The following NUP155 variants were observed in gnomAD, a reference collection of about 807,000 sequenced individuals.
NUP155 encodes nucleoporin 155, also known as nuclear pore complex protein Nup155.
Under a neutral mutation model 180.4 loss-of-function variants are expected in NUP155, and 71 were observed. The observed-to-expected ratio is 0.39, with a 90% CI of 0.33 to 0.48. The LOEUF is 0.48. Among genes scored for constraint, NUP155 ranks in the 20% least tolerant of loss-of-function variants. The probability of loss-of-function intolerance (pLI) is 0.91; values close to 1 mark genes in which losing one functional copy is unlikely to be tolerated. For synonymous variants in NUP155, 582 were observed against 559.5 expected, an observed-to-expected ratio of 1.04 and a Z score of -0.57; for missense variants, 1,553 against 1,648.9, an observed-to-expected ratio of 0.94 and a Z score of 1.01.
chr5:37,328,258 G>A (rs1042806095), intron 17 of NUP155, 100 bp downstream of exon 17: 2 of 920,714 alleles, frequency 2.2e-6, no homozygotes, highest in Admixed American at 2.4e-5. Flanking sequence ...TATTTTCAAG[G>A]GAATAAGGCA....
At chr5:37,332,138 T>A (rs1338065411) in intron 13 of NUP155, among the ~76,000 whole-genome samples, 3 of 136,922 alleles carry the variant, frequency 2.2e-5, no homozygotes, top group Non-Finnish European at 4.6e-5. Flanking sequence ...TATTAATTAA[T>A]CATGTTGCTA....
At chr5:37,321,670 T>C (rs890996735) in intron 20 of NUP155, among the ~76,000 whole-genome samples, 55 of 151,688 alleles carry the variant, frequency 3.6e-4, no homozygotes, top group African/African-American at 1.3e-3. Flanking sequence ...TGAGCTGAGA[T>C]TGCACCACTG....
rs1431283543 is a variant in NUP155 at position 37,314,245 on chromosome 5, G to C, written c.2389C>G (p.Leu797Val). The C allele has an allele frequency of 5.6e-6, 9 of 1,610,700 alleles. No individual in the cohort carries two copies. In the South Asian group the frequency reaches 9.9e-5, roughly 18 times the overall value. ...KSYQALALWK[L>V]LCEHQFTIIV... Reference sequence around the variant, plus strand: ...ATAGTGAATTGATGTTCACAAAGAAGTTTCCATAAAGCCAGAGCCTGATAT... The same window carrying C: ...ATAGTGAATTGATGTTCACAAAGAACTTTCCATAAAGCCAGAGCCTGATAT... The change falls in exon 22 of 35, where the codon CTT becomes GTT. Residue 797 changes from leucine to valine, a missense_variant. Leu to Val is a conservative substitution (Grantham distance 32, BLOSUM62 1). Coordinates refer to ENST00000231498, the MANE Select transcript of NUP155 (RefSeq NM_153485.3).
At chr5:37,360,847 TC>T (rs1747164666) in intron 3 of NUP155, among the ~76,000 whole-genome samples, 1 of 151,270 alleles carries the variant, frequency 6.6e-6, no homozygotes, top group South Asian at 2.1e-4. Context: ...AGACTCCGTC[TC>T]CCAAAAAACA....
At chr5:37,346,531 G>C (rs1746097785) in intron 9 of NUP155, among the ~76,000 whole-genome samples, 1 of 151,980 alleles carries the variant, frequency 6.6e-6, no homozygotes, top group Non-Finnish European at 1.5e-5. Flanking sequence ...AATTAGCCAG[G>C]CGTGGTGACA....
intron 9 of NUP155, among the ~76,000 whole-genome samples, 159 bp from the exon 10 acceptor site, chr5:37,342,805 C>A (rs190564651): frequency 6.6e-6 from 1 of 152,034 alleles, no homozygotes; most frequent in African/African-American, 2.4e-5. Flanking sequence ...GGCGTGATCT[C>A]GGCTCACTGC....
chr5:37,333,357 A>G (rs1330052806), intron 13 of NUP155, 106 bp downstream of exon 13: 2 of 1,097,692 alleles, frequency 1.8e-6, no homozygotes, highest in Admixed American at 1.7e-5. Context: ...CCGTCTCAAA[A>G]AAAAAAGAAA....
intron 1 of NUP155, among the ~76,000 whole-genome samples, chr5:37,366,030 C>A (rs937706903): frequency 6.6e-6 from 1 of 151,720 alleles, no homozygotes; most frequent in Non-Finnish European, 1.5e-5. Flanking sequence ...TCCCCAAGAC[C>A]ACTAAGACAA....
Position 37,341,207 on chromosome 5 carries a change from G to A in NUP155, c.1129C>T (p.Gln377Ter). 6.2e-7 allele frequency: 1 copy of A among 1,613,994 alleles called. No individual in the cohort carries two copies. Among genetic ancestry groups the A allele is most frequent in the East Asian group, 2.2e-5 (1 of 44,888 alleles). ...AGTGTATTAGGCCGTGCTAATGGCT[G>A]TCTGAATGGACAAGTGCTAAAATAT... ...RLYFSTCPFR[Q>*]PLARPNTLTL... Residue 377 changes from glutamine (Q) to a stop codon, truncating the protein, a stop_gained, in exon 11 of 35, where the codon CAG (glutamine) becomes TAG (stop). Coordinates refer to ENST00000231498, the MANE Select transcript of NUP155 (RefSeq NM_153485.3). LOFTEE classifies it high-confidence loss of function.
chr5:37,307,207 A>C (rs1001146637), intron 25 of NUP155, 90 bp downstream of exon 25: 7 of 1,387,982 alleles, frequency 5.0e-6, no homozygotes, highest in Middle Eastern at 2.0e-4. Flanking sequence ...CAAAAAAAAA[A>C]AAAAAACATA....
chr5:37,351,202 T>C lies in NUP155; in HGVS notation c.711A>G (p.Glu237=). Residue 237 remains glutamate, a synonymous_variant, in exon 6 of 35, where the codon GAA becomes GAG. Coordinates refer to ENST00000231498, the MANE Select transcript of NUP155 (RefSeq NM_153485.3). ...ATGTCAGACTTACCTGGTAGGCTAC[T>C]TCATATAAACAGCCATCCTTTCCAG... ...FLAGKDGCLY[E]VAYQAEAGWF... is the part of the protein sequence containing the mutation. The C allele has an allele frequency of 6.2e-7, 1 of 1,613,830 alleles. No individual in the cohort carries two copies. The highest frequency in any genetic ancestry group is 1.3e-5 in the African/African-American group (1 of 75,028).
At chr5:37,348,049 G>A (rs988953924) in intron 9 of NUP155, among the ~76,000 whole-genome samples, 3 of 152,002 alleles carry the variant, frequency 2.0e-5, no homozygotes, top group Admixed American at 6.6e-5. Context: ...CAGGAGAATC[G>A]CTTGAACGCG....
chr5:37,341,887 T>A (rs762087094), intron 10 of NUP155, among the ~76,000 whole-genome samples: 6 of 152,166 alleles, frequency 3.9e-5, no homozygotes, highest in Admixed American at 2.6e-4. Flanking sequence ...CTAAAATATA[T>A]ATCTAAGAAA....
At position 37,289,116 on chromosome 5, in the gene NUP155, G is replaced by C. The variant is rs779092475; in HGVS notation, c.*2784C>G. 6.2e-6 allele frequency: 1 copy of C among 160,106 alleles called. No homozygotes were observed. The highest frequency in any genetic ancestry group is 6.5e-5 in the Admixed American group (1 of 15,368). 9.9% of individuals were successfully genotyped at this position (160,106 alleles called of 1,614,324 possible). A position where few individuals can be genotyped will look rare whatever the true frequency, so the allele number is the denominator to read the frequency against. ...GCCAAGATTGTGCCATTGCACTCCA[G>C]CCTGGGCAACAAGAGCAAAACTCAG... On this transcript the variant is annotated 3_prime_UTR_variant, in exon 35 of 35. Coordinates refer to ENST00000231498, the MANE Select transcript of NUP155 (RefSeq NM_153485.3).
chr5:37,326,631 A>T (rs1299626763), intron 18 of NUP155, among the ~76,000 whole-genome samples: 1 of 152,208 alleles, frequency 6.6e-6, no homozygotes, highest in Non-Finnish European at 1.5e-5. Context: ...CATGTAGAGA[A>T]CAACCAAGCT....
intron 9 of NUP155, among the ~76,000 whole-genome samples, chr5:37,347,084 C>A (rs1028574037): frequency 6.6e-6 from 1 of 151,986 alleles, no homozygotes; most frequent in Non-Finnish European, 1.5e-5. Context: ...AAAAATTCGC[C>A]AGGTGTGGTG....
rs546302943 is a variant in NUP155 at position 37,339,759 on chromosome 5, T to TTTTTCG, written c.1246+1330_1246+1331insCGAAAA. On this transcript the variant is annotated intron_variant, in intron 11 of 34. Transcript: ENST00000231498. The stretch of plus-strand genomic sequence containing the variant: ...CAATCCAACCTCACTTTTTTGTGTG[T>TTTTTCG]TTTTTGTTTTTGTTTTTGTTTTGAG... Among the ~76,000 whole-genome samples the TTTTTCG allele has an allele frequency of 2.2e-3, 337 of 152,250 alleles. 2 individuals are homozygous for TTTTTCG. Among genetic ancestry groups the TTTTTCG allele is most frequent in the Non-Finnish European group, 3.8e-3 (258 of 68,020 alleles).
intron 20 of NUP155, among the ~76,000 whole-genome samples, chr5:37,319,542 AAT>A (rs1367482522): frequency 6.6e-6 from 1 of 152,212 alleles, no homozygotes; most frequent in East Asian, 1.9e-4. Flanking sequence ...AAGCATATTC[AAT>A]ATGTTAAATA....
Position 37,358,958 on chromosome 5 carries a change from G to A in NUP155, c.393-807C>T, listed in dbSNP as rs971871973. ...CTTGAACCCGGGAGGCAGAGTTGCA[G>A]TGAGCCGAGATCACACCACTGCACT... On this transcript the variant is annotated intron_variant, in intron 3 of 34. Coordinates refer to ENST00000231498, the MANE Select transcript of NUP155 (RefSeq NM_153485.3). 3.3e-5 allele frequency among the ~76,000 whole-genome samples: 5 copies of A among 151,166 alleles called. No individual in the cohort carries two copies. In the East Asian group the frequency reaches 9.8e-4, roughly 30 times the overall value.
Sources: gnomAD v4.1 joint callset for allele counts (sites outside exome capture counted in the v4.1 genomes callset) on GRCh38, gnomAD v4.1.1 for gene constraint, MANE v1.5 for transcripts, NCBI Gene and HGNC (gene_info 2026-07-23, HGNC 2026-07-21) for gene names.